The following PRKG1 variants were observed in gnomAD, a reference collection of about 807,000 sequenced individuals.
PRKG1 encodes the protein cGMP-dependent protein kinase 1.
Under a neutral mutation model 88.1 loss-of-function variants are expected in PRKG1, and 35 were observed. The observed-to-expected ratio is 0.40, with a 90% CI of 0.30 to 0.53. The LOEUF (loss-of-function observed/expected upper bound fraction) is 0.53, where lower values mean the gene tolerates loss of function less well. Among genes scored for constraint, PRKG1 ranks in the 20% least tolerant of loss-of-function variants. The pLI is 0.59. For missense variants in PRKG1, 540 were observed against 839.8 expected (o/e 0.64, Z 4.41); for synonymous variants, 303 against 292.5 (o/e 1.04, Z -0.37).
intron 1 of PRKG1, among the ~76,000 whole-genome samples, chr10:51,009,504 T>C (rs866878627): frequency 2.0e-5 from 3 of 152,220 alleles, no homozygotes; most frequent in Non-Finnish European, 2.9e-5. Flanking sequence ...ATTTCTGTTA[T>C]GGTATTTCTA....
chr10:52,188,785 A>G (rs1318650801), intron 9 of PRKG1, among the ~76,000 whole-genome samples: 2 of 152,172 alleles, frequency 1.3e-5, no homozygotes, highest in Non-Finnish European at 2.9e-5. Flanking sequence ...TAAGAGAGAC[A>G]AGGTGCACAT....
intron 3 of PRKG1, among the ~76,000 whole-genome samples, chr10:51,685,197 A>G (rs908821978): frequency 6.6e-6 from 1 of 152,160 alleles, no homozygotes. Context: ...ATAAAACTGA[A>G]TGATATAATG....
chr10:50,997,297 C>A (rs981748972), intron 1 of PRKG1, among the ~76,000 whole-genome samples: 23 of 152,236 alleles, frequency 1.5e-4, no homozygotes, highest in African/African-American at 5.1e-4. Context: ...GAGTCTTGTG[C>A]ATTTTCCAAA....
In PRKG1 at chr10:51,461,846, G is replaced by A. The variant is rs575106256; in HGVS notation, c.479-5877G>A. ...CCTGGGAATTGGATGGCTTTTCCCCGTAGGTTGCCCCATGGCAGCCTCATC... is the reference window on the plus strand; with the variant it reads ...CCTGGGAATTGGATGGCTTTTCCCCATAGGTTGCCCCATGGCAGCCTCATC... On this transcript the variant is annotated intron_variant, in intron 2 of 17. Transcript: ENST00000373980. 1.8e-4 allele frequency among the ~76,000 whole-genome samples: 28 copies of A among 152,286 alleles called. 1 individual carries two copies. The highest frequency in any genetic ancestry group is 6.8e-3 in the Middle Eastern group (2 of 294).
intron 9 of PRKG1, among the ~76,000 whole-genome samples, chr10:52,180,106 A>G (rs1425940649): frequency 6.6e-6 from 1 of 152,024 alleles, no homozygotes; most frequent in African/African-American, 2.4e-5. Flanking sequence ...ACTTTTTATT[A>G]TTTTATCTTT....
At chr10:51,950,874 G>T (rs75185757) in intron 5 of PRKG1, among the ~76,000 whole-genome samples, 1 of 152,334 alleles carries the variant, frequency 6.6e-6, no homozygotes, top group East Asian at 1.9e-4. Context: ...TGAAGCATGA[G>T]CAAGGCAGGG....
At chr10:52,039,749 C>T (rs1344344506) in intron 5 of PRKG1, among the ~76,000 whole-genome samples, 3 of 152,140 alleles carry the variant, frequency 2.0e-5, no homozygotes, top group Non-Finnish European at 4.4e-5. Flanking sequence ...ATTAAATATT[C>T]TGTATACTAT....
chr10:52,034,751 A>T (rs1845560746), intron 5 of PRKG1, among the ~76,000 whole-genome samples: 1 of 152,082 alleles, frequency 6.6e-6, no homozygotes, highest in Admixed American at 6.5e-5. Context: ...TAGGAGTATG[A>T]CTAGACAGAA....
At chr10:52,194,507 GTTAT>G (rs1268286569) in intron 9 of PRKG1, among the ~76,000 whole-genome samples, 2 of 152,104 alleles carry the variant, frequency 1.3e-5, no homozygotes, top group African/African-American at 4.8e-5. Flanking sequence ...TAGTATTTGA[GTTAT>G]TTAAGTAGTG....
chr10:51,511,786 A>T (rs1841419972), intron 3 of PRKG1, among the ~76,000 whole-genome samples: 1 of 152,186 alleles, frequency 6.6e-6, no homozygotes. Flanking sequence ...AAAGCTGAAC[A>T]CATACCAACA....
chr10:51,454,921 C>A (rs1332436212), intron 2 of PRKG1, among the ~76,000 whole-genome samples: 1 of 152,202 alleles, frequency 6.6e-6, no homozygotes, highest in African/African-American at 2.4e-5. Flanking sequence ...ATTTCAAAAC[C>A]AGTCATGCCT....
chr10:51,244,269 T>G (rs1046906116), intron 2 of PRKG1, among the ~76,000 whole-genome samples: 6 of 151,792 alleles, frequency 4.0e-5, no homozygotes, highest in African/African-American at 1.5e-4. Flanking sequence ...TTAAGGAAAC[T>G]AAGCATTTGA....
rs1841312637 is a variant in PRKG1 at position 52,256,559 on chromosome 10, GC to G, written c.1173+4896del. On this transcript the variant is annotated intron_variant, in intron 10 of 17. Coordinates refer to ENST00000373980, the MANE Select transcript of PRKG1 (RefSeq NM_006258.4). ...GGTTGTGAAGATTAAACGAGTTAAAGCCCTCAAAATAGTGTCTCACACATCA... is the reference window on the plus strand; with the variant it reads ...GGTTGTGAAGATTAAACGAGTTAAAGCCTCAAAATAGTGTCTCACACATCA... Among the ~76,000 whole-genome samples, 2 of 139,640 alleles carry G rather than the reference GC, an allele frequency of 1.4e-5. 1 individual carries two copies. Among genetic ancestry groups the G allele is most frequent in the Non-Finnish European group, 3.2e-5 (2 of 61,780 alleles). 91.6% of individuals were successfully genotyped at this position (139,640 alleles called of 152,430 possible).
At chr10:51,035,704 C>A (rs996382517) in intron 1 of PRKG1, among the ~76,000 whole-genome samples, 1 of 151,960 alleles carries the variant, frequency 6.6e-6, no homozygotes, top group Non-Finnish European at 1.5e-5. Context: ...TAAAAATATA[C>A]CTTTACTAAA....
intron 7 of PRKG1, chr10:52,128,445 A>T (rs1454656289): frequency 1.0e-6 from 1 of 985,308 alleles, no homozygotes; most frequent in Non-Finnish European, 1.2e-6. Context: ...GAGCCGATGT[A>T]AATTCCCTGT....
At chr10:51,149,149 A>C (rs1322174265) in intron 1 of PRKG1, among the ~76,000 whole-genome samples, 1 of 152,166 alleles carries the variant, frequency 6.6e-6, no homozygotes, top group African/African-American at 2.4e-5. Flanking sequence ...TCATCACTGC[A>C]ATAGAGAAGA....
At chr10:51,850,200 A>T (rs560289604) in intron 4 of PRKG1, among the ~76,000 whole-genome samples, 1 of 152,166 alleles carries the variant, frequency 6.6e-6, no homozygotes, top group Non-Finnish European at 1.5e-5. Context: ...TTTTGAGATG[A>T]AGTTTTGCTC....
intron 1 of PRKG1, among the ~76,000 whole-genome samples, chr10:51,125,778 AATT>A (rs1335851438): frequency 6.9e-6 from 1 of 145,036 alleles, no homozygotes; most frequent in African/African-American, 2.5e-5. Flanking sequence ...TTTTTAATTT[AATT>A]ATATAAATAT....
chr10:52,291,085 G>T lies in PRKG1; in HGVS notation c.1962+795G>T, dbSNP rs368407647. On this transcript the variant is annotated intron_variant, in intron 17 of 17. Coordinates refer to ENST00000373980, the MANE Select transcript of PRKG1 (RefSeq NM_006258.4). Reference sequence around the variant, plus strand: ...TTGTAGGCAAGTGCCACCACTCCCAGCTAATTTTGGTATTTTTAGTAGAGA... The same window carrying T: ...TTGTAGGCAAGTGCCACCACTCCCATCTAATTTTGGTATTTTTAGTAGAGA... Among the ~76,000 whole-genome samples, 7 of 151,516 alleles carry T rather than the reference G, an allele frequency of 4.6e-5. No individual in the cohort carries two copies. In the East Asian group the frequency reaches 9.8e-4, roughly 21 times the overall value.
Sources: allele counts gnomAD v4.1 joint callset (sites outside exome capture counted in the v4.1 genomes callset), GRCh38; gene constraint gnomAD v4.1.1; transcripts MANE v1.5; gene names NCBI Gene and HGNC (gene_info 2026-07-23, HGNC 2026-07-21).